Variants in PRUNE2 observed in about 807,000 individuals in gnomAD.
PRUNE2 encodes prune homolog 2 with BCH domain.
A neutral mutation model predicts 252.0 loss-of-function variants in PRUNE2; 164 were observed. That is an observed-to-expected ratio of 0.65 (90% CI 0.57 to 0.74). PRUNE2 has a LOEUF of 0.74. Among genes scored for constraint, PRUNE2 ranks in the 30% least tolerant of loss-of-function variants. The pLI is 0.00. For missense variants in PRUNE2, 3,495 were observed against 3,711.0 expected (o/e 0.94, Z 1.51); for synonymous variants, 1,292 against 1,350.2 (o/e 0.96, Z 0.94).
Position 76,846,540 on chromosome 9 carries a change from G to C in PRUNE2, c.483C>G (p.Thr161=), listed in dbSNP as rs200722902. 5.5e-5 allele frequency: 89 copies of C among 1,613,684 alleles called. No homozygotes were observed. The highest frequency in any genetic ancestry group is 7.3e-5 in the Non-Finnish European group (86 of 1,179,826). Reference sequence around the variant, plus strand: ...CTCTGAGGCGATGAGCCAGTTGCTCGGTGATGAGCTCAGGAGCCTCTTGGA... The same window carrying C: ...CTCTGAGGCGATGAGCCAGTTGCTCCGTGATGAGCTCAGGAGCCTCTTGGA... The part of the protein sequence containing the change: ...EILQEAPELI[T]EQLAHRLRGS... Residue 161 remains threonine, a synonymous_variant, in exon 4 of 19, where the codon ACC becomes ACG. Coordinates refer to ENST00000376718, the MANE Select transcript of PRUNE2 (RefSeq NM_015225.3).
At position 76,709,283 on chromosome 9, in the gene PRUNE2, C is replaced by G. The variant is rs1299116156; in HGVS notation, c.2991G>C (p.Glu997Asp). The G allele has an allele frequency of 6.2e-7, 1 of 1,613,780 alleles. No homozygotes were observed. Among genetic ancestry groups the G allele is most frequent in the Non-Finnish European group, 8.5e-7 (1 of 1,179,844 alleles). ...HKPFAKEEGF[E>D]SKDGNSTAEE... is the part of the protein sequence containing the mutation. ...CTGCCGTGGAGTTACCATCTTTTGACTCAAAACCTTCCTCTTTAGCAAATG... is the reference window on the plus strand; with the variant it reads ...CTGCCGTGGAGTTACCATCTTTTGAGTCAAAACCTTCCTCTTTAGCAAATG... Residue 997 changes from glutamate (E) to aspartate (D), a missense_variant, in exon 8 of 19, where the codon GAG becomes GAC. By Grantham distance (45) the Glu-to-Asp change is conservative. Transcript: ENST00000376718.
chr9:76,774,468 T>TATTTATTTATTTA (rs1564272983), intron 6 of PRUNE2, among the ~76,000 whole-genome samples: 1 of 144,618 alleles, frequency 6.9e-6, no homozygotes, highest in African/African-American at 2.5e-5. Flanking sequence ...TTTTTTTTTT[T>TATTTATTTATTTA]TTTTTTTTTG....
rs117319716 is a variant in PRUNE2 at position 76,746,988 on chromosome 9, G to A, written c.757-33267C>T. Among the ~76,000 whole-genome samples the A allele has an allele frequency of 2.5e-3, 375 of 152,320 alleles. 10 individuals carry two copies. In the East Asian group the frequency reaches 0.048, roughly 19 times the overall value. On this transcript the variant is annotated intron_variant, in intron 6 of 18. Transcript: ENST00000376718. ...ATTGAACCCAAGGAAGCGGTCATGG[G>A]AACCCCAATTTATGCCCAGTGGGTC...
intron 3 of PRUNE2, among the ~76,000 whole-genome samples, chr9:76,848,687 C>T (rs1478506709): frequency 6.6e-6 from 1 of 152,234 alleles, no homozygotes; most frequent in African/African-American, 2.4e-5. Context: ...GGTGAACCTT[C>T]ATTCAGTAGC....
intron 14 of PRUNE2, among the ~76,000 whole-genome samples, chr9:76,637,009 G>GTGTGTGTGTGTGTA (rs1554779750): frequency 3.9e-4 from 59 of 150,398 alleles, no homozygotes; most frequent in African/African-American, 1.4e-3. Flanking sequence ...GTGTGTGTGT[G>GTGTGTGTGTGTGTA]TATAATTTTA....
chr9:76,879,897 A>G (rs868769270), intron 1 of PRUNE2, among the ~76,000 whole-genome samples: 1 of 81,466 alleles, frequency 1.2e-5, no homozygotes, highest in African/African-American at 7.3e-5. Flanking sequence ...ATATATATAT[A>G]TATATATTTT....
chr9:76,710,269 C>T lies in PRUNE2; in HGVS notation c.2005G>A (p.Asp669Asn), dbSNP rs1564120139. ...TCCTGTTCACTGGAACTCCACGCAT[C>T]TGCAATATTTTTGGAGTCAATTTCC... ...GLEIDSKNIA[D>N]AWSSSEQESV... Residue 669 changes from aspartate to asparagine, a missense_variant, in exon 8 of 19, where the codon GAT (aspartate) becomes AAT (asparagine). Transcript: ENST00000376718. The T allele has an allele frequency of 3.1e-6, 5 of 1,613,974 alleles. No individual in the cohort carries two copies. Among genetic ancestry groups the T allele is most frequent in the Non-Finnish European group, 4.2e-6 (5 of 1,179,886 alleles).
chr9:76,881,220 C>G (rs935151595), intron 1 of PRUNE2, among the ~76,000 whole-genome samples: 1 of 152,170 alleles, frequency 6.6e-6, no homozygotes, highest in African/African-American at 2.4e-5. Flanking sequence ...CCCGCCTTGG[C>G]CTCCCAAAGT....
chr9:76,703,253 C>G, intron 9 of PRUNE2, 84 bp downstream of exon 9: 1 of 1,262,850 alleles, frequency 7.9e-7, no homozygotes, highest in Non-Finnish European at 1.1e-6. Flanking sequence ...AGGTATTCCT[C>G]ATATTCCATA....
Position 76,773,664 on chromosome 9 carries a change from G to A in PRUNE2, c.756+49968C>T, listed in dbSNP as rs185404691. ...TTGCCATGTTGGCCAGGCTGGTCTC[G>A]AACTCCTGACCTCAGGTGATCCACC... On this transcript the variant is annotated intron_variant, in intron 6 of 18. Transcript: ENST00000376718. Among the ~76,000 whole-genome samples, 52 of 152,108 alleles carry A rather than the reference G, an allele frequency of 3.4e-4. 1 individual carries two copies. Among genetic ancestry groups the A allele is most frequent in the Non-Finnish European group, 5.6e-4 (38 of 67,998 alleles).
Position 76,630,815 on chromosome 9 carries a change from T to C in PRUNE2, c.9051-1525A>G, listed in dbSNP as rs1014634007. Among the ~76,000 whole-genome samples the C allele has an allele frequency of 2.0e-5, 3 of 152,234 alleles. No homozygotes were observed. In the East Asian group the frequency reaches 5.8e-4, roughly 29 times the overall value. ...TGCTGGGATTACAGGCGTAAGCCTC[T>C]GCACCCGGCCTGCATTTTCTTATTA... On this transcript the variant is annotated intron_variant, in intron 15 of 18. Transcript: ENST00000376718.
intron 6 of PRUNE2, among the ~76,000 whole-genome samples, chr9:76,807,051 T>TGTGTGTGTGTGTGCGC (rs60768420): frequency 8.6e-5 from 12 of 139,338 alleles, no homozygotes; most frequent in African/African-American, 1.4e-4. Flanking sequence ...TGTGTGTGTG[T>TGTGTGTGTGTGTGCGC]GCGCGCGCGC....
intron 9 of PRUNE2, chr9:76,692,477 C>A: frequency 3.8e-6 from 1 of 264,690 alleles, no homozygotes; most frequent in South Asian, 6.0e-5. Flanking sequence ...AAAAAAAAAT[C>A]CTGTAGTTTC....
intron 4 of PRUNE2, among the ~76,000 whole-genome samples, chr9:76,840,475 A>T (rs1273026297): frequency 6.6e-6 from 1 of 152,226 alleles, no homozygotes; most frequent in African/African-American, 2.4e-5. Flanking sequence ...TGAAGTACTT[A>T]GCTCATAGAA....
intron 4 of PRUNE2, among the ~76,000 whole-genome samples, chr9:76,837,471 T>TAA (rs932212788): frequency 4.9e-5 from 3 of 61,064 alleles, no homozygotes; most frequent in Non-Finnish European, 9.5e-5. Context: ...ATAATAATAA[T>TAA]AATAATGCTA....
At chr9:76,827,916 T>C (rs2058439047) in intron 4 of PRUNE2, among the ~76,000 whole-genome samples, 1 of 152,202 alleles carries the variant, frequency 6.6e-6, no homozygotes, top group Admixed American at 6.5e-5. Context: ...TTGCTAAATA[T>C]ATTTAAAGCA....
At chr9:76,658,980 A>G (rs1388640008) in intron 9 of PRUNE2, among the ~76,000 whole-genome samples, 3 of 152,202 alleles carry the variant, frequency 2.0e-5, no homozygotes, top group African/African-American at 7.2e-5. Flanking sequence ...TAATGAAGAA[A>G]GAGTGGAAGG....
intron 9 of PRUNE2, among the ~76,000 whole-genome samples, chr9:76,663,424 A>ATG (rs1328216383): frequency 6.6e-6 from 1 of 152,110 alleles, no homozygotes; most frequent in Non-Finnish European, 1.5e-5. Context: ...TCTTTAGGGA[A>ATG]TGTGCAAAAC....
intron 1 of PRUNE2, among the ~76,000 whole-genome samples, chr9:76,857,726 T>C (rs1204544838): frequency 1.3e-5 from 2 of 152,164 alleles, no homozygotes; most frequent in African/African-American, 2.4e-5. Flanking sequence ...ACTCTTGAGC[T>C]TCCCCCCACA....
Sources: allele counts gnomAD v4.1 joint callset (sites outside exome capture counted in the v4.1 genomes callset), GRCh38; gene constraint gnomAD v4.1.1; transcripts MANE v1.5; gene names NCBI Gene and HGNC (gene_info 2026-07-23, HGNC 2026-07-21).